The following CCDC187 variants were observed in gnomAD, a reference collection of about 807,000 sequenced individuals.
CCDC187 encodes coiled-coil domain-containing protein 187.
In CCDC187, 32 loss-of-function variants were observed where a neutral mutation model predicts 38.0. The observed-to-expected ratio is 0.84, with a 90% CI of 0.64 to 1.13. The LOEUF is 1.13. CCDC187 is among the 50% of genes most tolerant of loss of function. The pLI, the probability that CCDC187 is intolerant of heterozygous loss-of-function variation, is 0.00. For synonymous variants in CCDC187, 333 were observed against 347.9 expected (o/e 0.96, Z 0.48); for missense variants, 707 against 786.8 (o/e 0.90, Z 1.21).
At position 136,286,412 on chromosome 9, in the gene CCDC187, G is replaced by A; in HGVS notation, c.2506C>T (p.Gln836Ter). The change falls in exon 8 of 26, where the codon CAG (glutamine) becomes TAG (stop). Residue 836 changes from glutamine to a stop codon, truncating the protein, a stop_gained. Coordinates refer to ENST00000638797, the MANE Select transcript of CCDC187 (RefSeq NM_001378188.1). LOFTEE classifies it high-confidence loss of function. Reference sequence around the variant, plus strand: ...TTGGCGGTGAGGCTATCGACCCGCTGCTTGAGGACTTTGGCTGTGGTCTCT... The same window carrying A: ...TTGGCGGTGAGGCTATCGACCCGCTACTTGAGGACTTTGGCTGTGGTCTCT... ...ALETTAKVLK[Q>*]RVDSLTAKLQ... 1 of 398,702 alleles carries A rather than the reference G, an allele frequency of 2.5e-6. No individual in the cohort carries two copies. The highest frequency in any genetic ancestry group is 4.4e-6 in the Non-Finnish European group (1 of 226,094). The allele number at this position is 398,702 out of a possible 1,614,324, so 24.7% of individuals were successfully genotyped here.
chr9:136,267,714 G>A (rs1830771959), intron 15 of CCDC187: 2 of 894,802 alleles, frequency 2.2e-6, no homozygotes, highest in African/African-American at 1.8e-5. Flanking sequence ...GTGAGCTGGC[G>A]GGGCAGGCAG....
chr9:136,280,727 C>T (rs938616206), intron 10 of CCDC187, among the ~76,000 whole-genome samples: 4 of 152,178 alleles, frequency 2.6e-5, no homozygotes, highest in Admixed American at 1.3e-4. Flanking sequence ...CTTCTCCTCC[C>T]CCTGGCACTG....
chr9:136,294,161 TTCAC>T (rs1304856593), intron 4 of CCDC187, among the ~76,000 whole-genome samples: 3 of 59,124 alleles, frequency 5.1e-5, no homozygotes, highest in African/African-American at 2.0e-4. Context: ...CACACACACA[TTCAC>T]TCACACGCTC....
At position 136,257,648 on chromosome 9, in the gene CCDC187, C is replaced by T. The variant is rs527810268; in HGVS notation, c.4367-807G>A. ...CACCAGGCCCCCCAGCATTGCACCT[C>T]CATCTCCCTAGACTTTCGTTCTGTG... On this transcript the variant is annotated intron_variant, in intron 22 of 25. Transcript: ENST00000638797. The surrounding 1 kb of genome is among the most constrained non-coding windows in gnomAD (Gnocchi z 4.5). Among the ~76,000 whole-genome samples the T allele has an allele frequency of 2.0e-5, 3 of 152,298 alleles. No homozygotes were observed. The South Asian group carries it at 6.2e-4, about 32-fold the overall frequency.
At position 136,252,579 on chromosome 9, in the gene CCDC187, G is replaced by A. The variant is rs574689393; in HGVS notation, c.*1015C>T. On this transcript the variant is annotated 3_prime_UTR_variant, in exon 26 of 26. Coordinates refer to ENST00000638797, the MANE Select transcript of CCDC187 (RefSeq NM_001378188.1). ...GACTGTCCCGCACAGCCGGCCGCCC[G>A]GCCGGTCCACCCTGGGAAAGTCCAG... 58 of 167,798 alleles carry A rather than the reference G, an allele frequency of 3.5e-4. No homozygotes were observed. The East Asian group carries it at 9.6e-3, about 28-fold the overall frequency. 10.4% of individuals were successfully genotyped at this position (167,798 alleles called of 1,614,324 possible). A position where few individuals can be genotyped will look rare whatever the true frequency, so the allele number is the denominator to read the frequency against.
At chr9:136,267,059 A>G (rs1031101995) in intron 16 of CCDC187, 30 of 154,134 alleles carry the variant, frequency 1.9e-4, no homozygotes, top group Non-Finnish European at 7.2e-5. Flanking sequence ...TCTACACTCC[A>G]GCCTGAGCAA....
chr9:136,277,654 G>A (rs904938321), intron 10 of CCDC187, among the ~76,000 whole-genome samples: 16,032 of 152,136 alleles, frequency 0.11, 1,193 homozygotes, highest in Admixed American at 0.19. Flanking sequence ...CAGCAGCAGC[G>A]GAGGGGGCTT....
At chr9:136,271,834 C>T (rs1830846014) in intron 14 of CCDC187, among the ~76,000 whole-genome samples, 1 of 152,002 alleles carries the variant, frequency 6.6e-6, no homozygotes, top group Admixed American at 6.5e-5. Context: ...GTCTTGATCT[C>T]CTGACCTCGT....
intron 4 of CCDC187, among the ~76,000 whole-genome samples, chr9:136,293,113 A>T (rs1252955805): frequency 4.1e-5 from 6 of 146,676 alleles, no homozygotes; most frequent in African/African-American, 1.6e-4. Flanking sequence ...CACATTGCTC[A>T]CACACTCACA....
At chr9:136,279,910 G>A (rs1238120589) in intron 10 of CCDC187, among the ~76,000 whole-genome samples, 6 of 134,704 alleles carry the variant, frequency 4.5e-5, no homozygotes, top group African/African-American at 1.6e-4. Context: ...GTCCCACCCC[G>A]TCGTCCTCTC....
chr9:136,290,671 G>T lies in CCDC187; in HGVS notation c.1942C>A (p.Gln648Lys), dbSNP rs1184279382. 11 of 398,548 alleles carry T rather than the reference G, an allele frequency of 2.8e-5. No individual in the cohort carries two copies. In the East Asian group the frequency reaches 3.9e-4, roughly 14 times the overall value. The allele number at this position is 398,548 out of a possible 1,614,324, so 24.7% of individuals were successfully genotyped here. A position where few individuals can be genotyped will look rare whatever the true frequency, so the allele number is the denominator to read the frequency against. ...TCCAGGGCCTGCCGCCGCCGGGCCT[G>T]CGCCTTCTGGCGCATGAACTCCCGC... The part of the protein sequence containing the change: ...SLREFMRQKA[Q>K]ARRRQALEEK... The change falls in exon 6 of 26, where the codon CAG becomes AAG. Residue 648 changes from glutamine (Q) to lysine (K), a missense_variant. Coordinates refer to ENST00000638797, the MANE Select transcript of CCDC187 (RefSeq NM_001378188.1).
chr9:136,293,841 C>T (rs979809226), intron 4 of CCDC187, among the ~76,000 whole-genome samples: 3 of 99,394 alleles, frequency 3.0e-5, no homozygotes, highest in African/African-American at 7.5e-5. Context: ...ACCACACACT[C>T]GTTCTCACAC....
At chr9:136,298,964 C>T (rs911019234) in intron 3 of CCDC187, among the ~76,000 whole-genome samples, 29 of 152,302 alleles carry the variant, frequency 1.9e-4, no homozygotes, top group Admixed American at 5.9e-4. Flanking sequence ...TTCTCAAACT[C>T]GGAGCGTGAA....
chr9:136,292,135 A>G (rs1831346506), intron 5 of CCDC187, 26 bp downstream of exon 5: 2 of 398,602 alleles, frequency 5.0e-6, no homozygotes, highest in Non-Finnish European at 8.8e-6. Context: ...AGAGCAGGAC[A>G]GAGCCCATGG....
intron 7 of CCDC187, among the ~76,000 whole-genome samples, chr9:136,287,999 A>C (rs1391899839): frequency 6.6e-6 from 1 of 152,130 alleles, no homozygotes; most frequent in African/African-American, 2.4e-5. Context: ...CCCAGCTATA[A>C]TTTTTTAGGT....
In CCDC187 at chr9:136,291,438, C is replaced by T. The variant is rs36170606; in HGVS notation, c.1175G>A (p.Arg392His). 0.15 allele frequency: 58,554 copies of T among 398,802 alleles called. 5,038 individuals carry two copies. The highest frequency in any genetic ancestry group is 0.26 in the Middle Eastern group (420 of 1,592). 24.7% of individuals were successfully genotyped at this position (398,802 alleles called of 1,614,324 possible). A position where few individuals can be genotyped will look rare whatever the true frequency, so the allele number is the denominator to read the frequency against. ...IQAGLELAQA[R>H]KGGQELGPSK... ...TGGCCCGAGCTCTTGCCCTCCCTTG[C>T]GGGCCTGGGCCAGCTCCAGCCCAGC... Residue 392 changes from arginine to histidine, a missense_variant, in exon 6 of 26, where the codon CGC becomes CAC. Coordinates refer to ENST00000638797, the MANE Select transcript of CCDC187 (RefSeq NM_001378188.1).
chr9:136,282,816 G>C (rs942260043), intron 9 of CCDC187, among the ~76,000 whole-genome samples: 1 of 152,252 alleles, frequency 6.6e-6, no homozygotes, highest in Non-Finnish European at 1.5e-5. Flanking sequence ...TGCCCAGGCC[G>C]TGAGGGGCTG....
chr9:136,258,795 G>A lies in CCDC187; in HGVS notation c.4366+137C>T, dbSNP rs1349490002. 1.1e-5 allele frequency: 11 copies of A among 984,760 alleles called. No individual in the cohort carries two copies. The highest frequency in any genetic ancestry group is 1.1e-5 in the Non-Finnish European group (9 of 829,274). 61.0% of individuals were successfully genotyped at this position (984,760 alleles called of 1,614,324 possible). On this transcript the variant is annotated intron_variant, in intron 22 of 25. Coordinates refer to ENST00000638797, the MANE Select transcript of CCDC187 (RefSeq NM_001378188.1). This position sits in a 1 kb window ranked among gnomAD's most constrained non-coding sequence, Gnocchi z 4.3. Reference sequence around the variant, plus strand: ...CAGTGAAGGGGTCTGAGGCCAGGGTGGGGGGCCACCAGGGCCCATCTTCTT... The same window carrying A: ...CAGTGAAGGGGTCTGAGGCCAGGGTAGGGGGCCACCAGGGCCCATCTTCTT...
At chr9:136,300,598 ACT>A (rs2131361760) in intron 2 of CCDC187, among the ~76,000 whole-genome samples, 1 of 48,994 alleles carries the variant, frequency 2.0e-5, no homozygotes, top group East Asian at 7.8e-4. Flanking sequence ...ATTTCAAAAG[ACT>A]TTTTTTTTTT....
Sources: allele counts gnomAD v4.1 joint callset (sites outside exome capture counted in the v4.1 genomes callset), GRCh38; gene constraint gnomAD v4.1.1; non-coding constraint Gnocchi (gnomAD v3.1); transcripts MANE v1.5; gene names NCBI Gene and HGNC (gene_info 2026-07-23, HGNC 2026-07-21).